The following COL4A5 variants were observed in gnomAD, a reference collection of about 807,000 sequenced individuals.
The protein encoded by COL4A5 is collagen type IV alpha 5 chain.
COL4A5 carries 26 observed loss-of-function variants against 130.2 expected under a neutral mutation model. The observed-to-expected ratio is 0.20, with a 90% confidence interval of 0.15 to 0.28. The LOEUF (loss-of-function observed/expected upper bound fraction) is 0.28. COL4A5 is among the 10% of genes least tolerant of loss of function. COL4A5 has a pLI of 1.00. For synonymous variants in COL4A5, 496 were observed against 439.6 expected (o/e 1.13, Z -1.60); for missense variants, 1,131 against 1,344.3 (o/e 0.84, Z 2.48).
chrX:108,497,679 T>A (rs2065046459), intron 1 of COL4A5, among the ~76,000 whole-genome samples: 1 of 111,815 alleles, frequency 8.9e-6, no homozygotes, highest in African/African-American at 3.2e-5. Context: ...TCAATTTTCT[T>A]ATAAGTAAGG....
intron 2 of COL4A5, 95 bp from the exon 3 acceptor site, chrX:108,558,969 T>G: frequency 1.4e-6 from 1 of 698,593 alleles, no homozygotes. Flanking sequence ...TAAGTTAGTT[T>G]TGTCTAGATA....
intron 50 of COL4A5, 148 bp from the exon 51 acceptor site, chrX:108,694,659 A>C: frequency 2.0e-6 from 1 of 509,895 alleles, no homozygotes; most frequent in Non-Finnish European, 3.5e-6. Flanking sequence ...AGCAAATGCA[A>C]TCCTCAAAGT....
chrX:108,626,244 T>C lies in COL4A5; in HGVS notation c.3141T>C (p.Ser1047=), dbSNP rs1350852221. The change falls in exon 36 of 53, where the codon TCT becomes TCC. Residue 1047 remains serine (S), a synonymous_variant. Coordinates refer to ENST00000328300, the MANE Select transcript of COL4A5 (RefSeq NM_033380.3). ...GTGTGGAAGGGCCTCCTGGACCTTC[T>C]GGAGTTCCTGGACAACCTGGCTCCC... The part of the protein sequence containing the change: ...PQGVEGPPGP[S]GVPGQPGSPG... 8.3e-7 allele frequency: 1 copy of C among 1,207,695 alleles called. No homozygotes were observed. Among genetic ancestry groups the C allele is most frequent in the African/African-American group, 1.8e-5 (1 of 57,071 alleles).
At chrX:108,499,867 T>C (rs1374755821) in intron 1 of COL4A5, among the ~76,000 whole-genome samples, 1 of 111,748 alleles carries the variant, frequency 8.9e-6, no homozygotes, top group Non-Finnish European at 1.9e-5. Flanking sequence ...TAATATAGTA[T>C]ATTGCATACA....
chrX:108,634,488 G>A (rs1281461339), intron 36 of COL4A5, among the ~76,000 whole-genome samples: 1 of 111,514 alleles, frequency 9.0e-6, no homozygotes, highest in Non-Finnish European at 1.9e-5. Flanking sequence ...AAGTTTGAAA[G>A]TATAAAGGTT....
At chrX:108,636,090 C>T (rs781390490) in intron 36 of COL4A5, among the ~76,000 whole-genome samples, 1 of 111,628 alleles carries the variant, frequency 9.0e-6, no homozygotes, top group African/African-American at 3.2e-5. Flanking sequence ...ACCCATGTAA[C>T]ACACCTGCAT....
Position 108,696,650 on chromosome X carries a change from A to G in COL4A5, c.*272A>G, listed in dbSNP as rs2068740115. Reference sequence around the variant, plus strand: ...AATGACTTTCTCCAAGAATTATAAGATGAAAATTATATATTTTGCCCAGTT... The same window carrying G: ...AATGACTTTCTCCAAGAATTATAAGGTGAAAATTATATATTTTGCCCAGTT... On this transcript the variant is annotated 3_prime_UTR_variant, in exon 53 of 53. Transcript: ENST00000328300. The G allele has an allele frequency of 4.9e-6, 1 of 202,686 alleles. No homozygotes were observed. Among genetic ancestry groups the G allele is most frequent in the African/African-American group, 3.0e-5 (1 of 33,759 alleles). 16.7% of individuals were successfully genotyped at this position (202,686 alleles called of 1,213,427 possible). A position where few individuals can be genotyped will look rare whatever the true frequency, so the allele number is the denominator to read the frequency against.
chrX:108,571,432 G>C lies in COL4A5; in HGVS notation c.404G>C (p.Gly135Ala). The C allele has an allele frequency of 8.3e-7, 1 of 1,204,814 alleles. No homozygotes were observed. Among genetic ancestry groups the C allele is most frequent in the South Asian group, 1.8e-5 (1 of 56,774 alleles). ...TTCTAGGGAGAACGTGGATTTCCAG[G>C]CAGTCCCGGTTTTCCTGGTTTACAG... ...NGTKGERGFP[G>A]SPGFPGLQGP... Residue 135 changes from glycine to alanine, a missense_variant, in exon 7 of 53, where the codon GGC (glycine) becomes GCC (alanine). Physicochemically the swap from Gly to Ala is moderately conservative, Grantham distance 60 (BLOSUM62 0). Coordinates refer to ENST00000328300, the MANE Select transcript of COL4A5 (RefSeq NM_033380.3).
chrX:108,485,833 G>A (rs1445195678), intron 1 of COL4A5, among the ~76,000 whole-genome samples: 2 of 110,940 alleles, frequency 1.8e-5, no homozygotes, highest in Non-Finnish European at 3.8e-5. Flanking sequence ...TCAGTAAGTC[G>A]TGTGCCTCCC....
intron 37 of COL4A5, among the ~76,000 whole-genome samples, chrX:108,658,439 A>G (rs1047651649): frequency 2.7e-5 from 3 of 110,760 alleles, no homozygotes; most frequent in African/African-American, 9.8e-5. Context: ...ATGTTTTAGT[A>G]TAGGGATTTG....
rs779321675 is a variant in COL4A5, at chrX:108,586,780, A to G, written c.1165+33A>G. The G allele has an allele frequency of 4.2e-6, 5 of 1,191,279 alleles. No individual in the cohort carries two copies. The South Asian group carries it at 8.8e-5, about 21-fold the overall frequency. On this transcript the variant is annotated intron_variant, in intron 19 of 52. Coordinates refer to ENST00000328300, the MANE Select transcript of COL4A5 (RefSeq NM_033380.3). ...AGATTGCATTTATGGCCTTGTTCTT[A>G]TAGCATCCTTACTAATCCATGTATA...
intron 1 of COL4A5, among the ~76,000 whole-genome samples, chrX:108,444,998 G>A (rs1329241217): frequency 1.8e-5 from 2 of 111,497 alleles, no homozygotes; most frequent in African/African-American, 6.5e-5. Flanking sequence ...TTGGCAAAAG[G>A]AAGGCCGTAG....
chrX:108,595,307 AAC>A (rs1214464755), intron 21 of COL4A5, among the ~76,000 whole-genome samples, 200 bp from the exon 22 acceptor site: 1 of 112,341 alleles, frequency 8.9e-6, no homozygotes, highest in Non-Finnish European at 1.9e-5. Context: ...TCACCAATGT[AAC>A]ACAAGCATCT....
At chrX:108,583,490 C>A (rs2066284140) in intron 17 of COL4A5, among the ~76,000 whole-genome samples, 1 of 111,542 alleles carries the variant, frequency 9.0e-6, no homozygotes, top group African/African-American at 3.3e-5. Context: ...AGATTTTTAG[C>A]AGGGCACAAA....
At chrX:108,485,935 C>A (rs780459011) in intron 1 of COL4A5, among the ~76,000 whole-genome samples, 1 of 111,461 alleles carries the variant, frequency 9.0e-6, no homozygotes, top group Admixed American at 9.5e-5. Context: ...TTTAATGTCC[C>A]AGAGCAATTT....
At chrX:108,558,455 AG>A (rs1177511954) in intron 2 of COL4A5, among the ~76,000 whole-genome samples, 1 of 111,003 alleles carries the variant, frequency 9.0e-6, no homozygotes, top group Admixed American at 9.6e-5. Flanking sequence ...ACTGGTAGAT[AG>A]GCAGTCTTCC....
chrX:108,481,641 C>T (rs754547773), intron 1 of COL4A5, among the ~76,000 whole-genome samples: 1 of 111,701 alleles, frequency 9.0e-6, no homozygotes, highest in African/African-American at 3.3e-5. Flanking sequence ...CTGTCCATTA[C>T]GGTAGGTACA....
chrX:108,674,570 T>G, intron 42 of COL4A5, 175 bp from the exon 43 acceptor site: 1 of 472,649 alleles, frequency 2.1e-6, no homozygotes, highest in Non-Finnish European at 3.5e-6. Flanking sequence ...TTCTGTATGG[T>G]TCTGTTTGCA....
At chrX:108,666,328 C>T (rs964662541) in intron 38 of COL4A5, among the ~76,000 whole-genome samples, 168 bp from the exon 39 acceptor site, 2 of 112,256 alleles carry the variant, frequency 1.8e-5, no homozygotes, top group Non-Finnish European at 3.8e-5. Flanking sequence ...TGCTGAATGA[C>T]TATTCCTTAT....
Sources: allele counts gnomAD v4.1 joint callset (sites outside exome capture counted in the v4.1 genomes callset), GRCh38; gene constraint gnomAD v4.1.1; transcripts MANE v1.5; gene names NCBI Gene and HGNC (gene_info 2026-07-23, HGNC 2026-07-21).